Variants in STXBP6 observed in about 807,000 individuals in gnomAD.
STXBP6 encodes the protein syntaxin-binding protein 6.
Under a neutral mutation model 26.9 loss-of-function variants are expected in STXBP6, and 21 were observed. The ratio of observed to expected loss-of-function variants is 0.78; its 90% CI spans 0.55 to 1.12. The LOEUF is 1.12. Among genes scored for constraint, STXBP6 ranks in the 50% most tolerant of loss-of-function variants. The pLI is 0.00. For synonymous variants in STXBP6, 97 were observed against 92.6 expected, an observed-to-expected ratio of 1.05 and a Z score of -0.27; for missense variants, 232 against 257.9, an observed-to-expected ratio of 0.90 and a Z score of 0.69.
At chr14:24,841,366 T>G (rs2068778530) in intron 4 of STXBP6, among the ~76,000 whole-genome samples, 1 of 152,190 alleles carries the variant, frequency 6.6e-6, no homozygotes, top group African/African-American at 2.4e-5. Context: ...GCTTTTAATA[T>G]TTTCCCTTTG....
chr14:24,930,275 T>A (rs1307882302), intron 2 of STXBP6, among the ~76,000 whole-genome samples: 1 of 152,226 alleles, frequency 6.6e-6, no homozygotes, highest in African/African-American at 2.4e-5. Flanking sequence ...TTTTCATATG[T>A]TTTTTATTTG....
intron 2 of STXBP6, among the ~76,000 whole-genome samples, chr14:24,956,551 G>T (rs2140094279): frequency 6.6e-6 from 1 of 152,266 alleles, no homozygotes; most frequent in African/African-American, 2.4e-5. Flanking sequence ...CTGGGACTGG[G>T]CACTCAGCTT....
At chr14:24,901,518 T>C (rs1262705521) in intron 2 of STXBP6, among the ~76,000 whole-genome samples, 1 of 152,212 alleles carries the variant, frequency 6.6e-6, no homozygotes, top group African/African-American at 2.4e-5. Flanking sequence ...TACTCTGATC[T>C]GTGTACCTGG....
intron 2 of STXBP6, among the ~76,000 whole-genome samples, chr14:24,953,408 CTGTT>C (rs2140073089): frequency 6.6e-6 from 1 of 152,316 alleles, no homozygotes; most frequent in South Asian, 2.1e-4. Context: ...ACATCACTCT[CTGTT>C]TGCTGAGCTG....
chr14:24,848,127 T>C (rs1451017774), intron 4 of STXBP6, among the ~76,000 whole-genome samples: 1 of 152,180 alleles, frequency 6.6e-6, no homozygotes, highest in Non-Finnish European at 1.5e-5. Context: ...TCATGAAATA[T>C]TATGAATATG....
chr14:25,024,105 C>T (rs140251360), intron 1 of STXBP6, among the ~76,000 whole-genome samples: 2 of 152,062 alleles, frequency 1.3e-5, no homozygotes, highest in South Asian at 2.1e-4. Flanking sequence ...GTCAGGAGAT[C>T]GAGACCATCC....
intron 1 of STXBP6, among the ~76,000 whole-genome samples, chr14:25,027,061 T>C (rs576911480): frequency 9.2e-5 from 14 of 152,308 alleles, no homozygotes; most frequent in Non-Finnish European, 2.1e-4. Context: ...AATGTACACA[T>C]ACAAACAATG....
chr14:24,853,700 G>C (rs917447508), intron 4 of STXBP6, among the ~76,000 whole-genome samples: 3 of 152,060 alleles, frequency 2.0e-5, no homozygotes, highest in African/African-American at 7.2e-5. Context: ...CTGGCATTTG[G>C]TTTTATTAAC....
At chr14:24,917,984 A>G (rs958875053) in intron 2 of STXBP6, among the ~76,000 whole-genome samples, 1 of 152,058 alleles carries the variant, frequency 6.6e-6, no homozygotes, top group Admixed American at 6.6e-5. Context: ...TTTTATACTT[A>G]TGCAACAGGT....
intron 2 of STXBP6, among the ~76,000 whole-genome samples, chr14:24,932,528 AT>A (rs1218797248): frequency 6.6e-6 from 1 of 152,162 alleles, no homozygotes; most frequent in Non-Finnish European, 1.5e-5. Flanking sequence ...TCTAAAAAAA[AT>A]AAATAAATAA....
chr14:25,027,614 A>C (rs1450595178), intron 1 of STXBP6, among the ~76,000 whole-genome samples: 2 of 152,182 alleles, frequency 1.3e-5, no homozygotes, highest in Admixed American at 1.3e-4. Flanking sequence ...GCCAATTAAT[A>C]ATCCTACAAT....
At chr14:25,041,411 C>T (rs1193162340) in intron 1 of STXBP6, among the ~76,000 whole-genome samples, 1 of 152,208 alleles carries the variant, frequency 6.6e-6, no homozygotes, top group Non-Finnish European at 1.5e-5. Flanking sequence ...GCTTCAGGAA[C>T]ACCCAGCTTC....
At chr14:24,875,340 G>C (rs1219590808) in intron 2 of STXBP6, among the ~76,000 whole-genome samples, 1 of 152,140 alleles carries the variant, frequency 6.6e-6, no homozygotes, top group Non-Finnish European at 1.5e-5. Context: ...ATGAGAAACA[G>C]AATACCACTT....
chr14:24,883,115 T>C (rs1383124960), intron 2 of STXBP6, among the ~76,000 whole-genome samples: 2 of 152,202 alleles, frequency 1.3e-5, no homozygotes, highest in Non-Finnish European at 2.9e-5. Context: ...AAGATGTTCA[T>C]TTAGAAAAGG....
At chr14:25,032,563 C>A (rs368171272) in intron 1 of STXBP6, among the ~76,000 whole-genome samples, 27 of 152,328 alleles carry the variant, frequency 1.8e-4, no homozygotes, top group Middle Eastern at 3.4e-3. Context: ...GCACTCAACC[C>A]GTCCGGGGAA....
chr14:24,857,806 G>A (rs1248841436), intron 2 of STXBP6, among the ~76,000 whole-genome samples: 1 of 151,892 alleles, frequency 6.6e-6, no homozygotes, highest in Admixed American at 6.6e-5. Context: ...CAGCCTCAGT[G>A]AGTTCTTCCC....
chr14:24,926,256 G>T (rs755335745), intron 2 of STXBP6, among the ~76,000 whole-genome samples: 1 of 152,288 alleles, frequency 6.6e-6, no homozygotes, highest in African/African-American at 2.4e-5. Flanking sequence ...GGAGCAGAAC[G>T]CTAGGGGAAT....
Position 24,982,157 on chromosome 14 carries a change from A to G in STXBP6, c.-32-7307T>C, listed in dbSNP as rs550595427. Among the ~76,000 whole-genome samples the G allele has an allele frequency of 1.2e-4, 19 of 152,334 alleles. No homozygotes were observed. In the East Asian group the frequency reaches 3.1e-3, roughly 25 times the overall value. ...CTTGAAAATTGCGGTTTTAAGGCAC[A>G]TTCTTTCCACCAAACCTGGAAGACC... On this transcript the variant is annotated intron_variant, in intron 1 of 5. Coordinates refer to ENST00000323944, the MANE Select transcript of STXBP6 (RefSeq NM_001394410.1).
chr14:25,022,525 G>C (rs1040387419), intron 1 of STXBP6, among the ~76,000 whole-genome samples: 4 of 152,184 alleles, frequency 2.6e-5, no homozygotes, highest in African/African-American at 7.2e-5. Flanking sequence ...CACAAAGTCT[G>C]AGATTGGAGG....
Sources: gnomAD v4.1 joint callset for allele counts (sites outside exome capture counted in the v4.1 genomes callset) on GRCh38, gnomAD v4.1.1 for gene constraint, MANE v1.5 for transcripts, NCBI Gene and HGNC (gene_info 2026-07-23, HGNC 2026-07-21) for gene names.